Variants in PIWIL1 observed in about 807,000 individuals in gnomAD.
PIWIL1 encodes piwi like RNA-mediated gene silencing 1.
A neutral mutation model predicts 114.4 loss-of-function variants in PIWIL1; 73 were observed. The ratio of observed to expected loss-of-function variants is 0.64; its 90% CI spans 0.53 to 0.78. The LOEUF (loss-of-function observed/expected upper bound fraction) is 0.78, where lower values mean the gene tolerates loss of function less well. PIWIL1 is among the 30% of genes least tolerant of loss of function. PIWIL1 has a pLI of 0.00. For missense variants in PIWIL1, 723 were observed against 1,063.1 expected, an observed-to-expected ratio of 0.68 and a Z score of 4.45; for synonymous variants, 375 against 369.0, an observed-to-expected ratio of 1.02 and a Z score of -0.19.
chr12:130,340,627 G>T (rs1384800681), intron 1 of PIWIL1, among the ~76,000 whole-genome samples: 1 of 94,746 alleles, frequency 1.1e-5, no homozygotes, highest in East Asian at 3.8e-4. Context: ...GTTGGTGGTG[G>T]TGGTTGGGGG....
downstream of PIWIL1, among the ~76,000 whole-genome samples, chr12:130,375,190 T>C (rs569271900): frequency 3.3e-5 from 5 of 152,322 alleles, no homozygotes; most frequent in African/African-American, 9.6e-5. Context: ...GCTTTCCTTC[T>C]AATTCTTGGC....
the PIWIL1 span, chr12:130,399,910 G>A: frequency 1.5e-5 from 20 of 1,367,568 alleles, no homozygotes; most frequent in East Asian, 4.6e-4. Context: ...ACAGGTACAT[G>A]GTGAGTTTAT....
the PIWIL1 span, among the ~76,000 whole-genome samples, chr12:130,394,074 C>CTGTA: frequency 6.6e-6 from 1 of 152,236 alleles, no homozygotes; most frequent in Admixed American, 6.5e-5. Context: ...GGTGGAAAGC[C>CTGTA]TGTACCTGGG....
chr12:130,353,600 G>A (rs1341222573), intron 9 of PIWIL1, among the ~76,000 whole-genome samples: 3 of 152,118 alleles, frequency 2.0e-5, no homozygotes, highest in Non-Finnish European at 2.9e-5. Flanking sequence ...AACTGAGCTG[G>A]AGGCCAGAGA....
At chr12:130,396,724 A>AATG in the PIWIL1 span, 1 of 152,584 alleles carries the variant, frequency 6.6e-6, no homozygotes, top group East Asian at 1.9e-4. Context: ...CTCTTTTTTG[A>AATG]ATGATTGAGT....
chr12:130,380,164 A>AGTTCC, the PIWIL1 span, among the ~76,000 whole-genome samples: 2 of 129,496 alleles, frequency 1.5e-5, no homozygotes, highest in Non-Finnish European at 3.1e-5. Flanking sequence ...AAGCATTGAC[A>AGTTCC]GTTCCTTCAA....
the PIWIL1 span, among the ~76,000 whole-genome samples, chr12:130,390,634 A>C: frequency 6.6e-6 from 1 of 151,996 alleles, no homozygotes; most frequent in Non-Finnish European, 1.5e-5. Flanking sequence ...TTTGCTTCTG[A>C]CCACATCTTC....
chr12:130,345,730 C>G (rs764175616), intron 3 of PIWIL1, 23 bp from the exon 4 acceptor site: 5 of 1,613,106 alleles, frequency 3.1e-6, no homozygotes, highest in Non-Finnish European at 4.2e-6. Context: ...TTATGTTGCT[C>G]AAGTACACAA....
intron 14 of PIWIL1, among the ~76,000 whole-genome samples, chr12:130,357,880 G>C (rs912745959): frequency 6.6e-6 from 1 of 152,116 alleles, no homozygotes; most frequent in East Asian, 1.9e-4. Flanking sequence ...GCTGTTGTTC[G>C]GCACACGTAG....
chr12:130,368,303 C>A (rs775320273), intron 19 of PIWIL1, among the ~76,000 whole-genome samples: 1 of 152,118 alleles, frequency 6.6e-6, no homozygotes, highest in Non-Finnish European at 1.5e-5. Flanking sequence ...AGGATAAAGT[C>A]TCGGCCTGTG....
chr12:130,425,860 G>A, the PIWIL1 span: 1 of 152,414 alleles, frequency 6.6e-6, no homozygotes, highest in East Asian at 1.9e-4. Flanking sequence ...CCCTCTTGCT[G>A]TGGGCCCCTT....
the PIWIL1 span, among the ~76,000 whole-genome samples, chr12:130,400,469 G>A: frequency 6.6e-6 from 1 of 152,228 alleles, no homozygotes; most frequent in South Asian, 2.1e-4. Context: ...AGATCCATGA[G>A]TCCATCTGCC....
chr12:130,366,593 T>C (rs1232693528), intron 18 of PIWIL1: 2 of 152,528 alleles, frequency 1.3e-5, no homozygotes, highest in African/African-American at 4.8e-5. Context: ...GAAAACGTCA[T>C]TTGAGACTCC....
At chr12:130,422,037 G>T in the PIWIL1 span, among the ~76,000 whole-genome samples, 1 of 152,312 alleles carries the variant, frequency 6.6e-6, no homozygotes, top group Middle Eastern at 3.4e-3. This position sits in a 1 kb window ranked among gnomAD's most constrained non-coding sequence, Gnocchi z 5.2. Flanking sequence ...TGCTGCCAGC[G>T]TGTCTTCTGC....
At chr12:130,361,115 G>A in intron 14 of PIWIL1, 65 bp from the exon 15 acceptor site, 3 of 1,451,100 alleles carry the variant, frequency 2.1e-6, no homozygotes, top group Non-Finnish European at 2.9e-6. Context: ...TTAGTTTCCT[G>A]TCCTCTCCCT....
At position 130,361,615 on chromosome 12, in the gene PIWIL1, G is replaced by A. The variant is rs187334147; in HGVS notation, c.1970+14G>A. Reference sequence around the variant, plus strand: ...AGGGATGACCCGGTGAGTGAGACTGGGCTACTGTGGGTGGCAGTGAGGACA... The same window carrying A: ...AGGGATGACCCGGTGAGTGAGACTGAGCTACTGTGGGTGGCAGTGAGGACA... On this transcript the variant is annotated intron_variant, in intron 16 of 20. Transcript: ENST00000245255. 4.1e-4 allele frequency: 661 copies of A among 1,600,970 alleles called. 3 individuals are homozygous for A. The African/African-American group carries it at 7.5e-3, about 18-fold the overall frequency.
rs201104805 is a variant in PIWIL1 at position 130,342,669 on chromosome 12, C to A, written c.78C>A (p.Ala26=). The change falls in exon 2 of 21, where the codon GCC becomes GCA. Residue 26 remains alanine (A), a splice_region_variant and synonymous_variant. Transcript: ENST00000245255. ...CAGCGCAGCTGGTGGGCTCCACTGC[C>A]GTGAGTGCTTCACCGTTTCTGACTA... ...QETAQLVGST[A]SQQPGYIQPR... 2 of 1,609,286 alleles carry A rather than the reference C, an allele frequency of 1.2e-6. No individual in the cohort carries two copies. Among genetic ancestry groups the A allele is most frequent in the Admixed American group, 3.3e-5 (2 of 59,996 alleles).
At chr12:130,340,645 G>GA (rs2072889567) in intron 1 of PIWIL1, among the ~76,000 whole-genome samples, 3 of 46,780 alleles carry the variant, frequency 6.4e-5, no homozygotes, top group Admixed American at 2.1e-4. Context: ...GGGAGGGGGG[G>GA]TGGGGGGAGG....
rs1042108826 is a variant in PIWIL1 at position 130,363,141 on chromosome 12, A to G, written c.2192A>G (p.Tyr731Cys). ...TGTCTAAAATCCATTGGTAGAGGTT[A>G]CAAGTAAGCATGCAAATTGTAAAGC... ...LDCLKSIGRG[Y>C]NPRLTVIVVK... The change falls in exon 18 of 21, where the codon TAC (tyrosine) becomes TGC (cysteine). Residue 731 changes from tyrosine (Y) to cysteine (C), a missense_variant. Transcript: ENST00000245255. 4 of 1,613,072 alleles carry G rather than the reference A, an allele frequency of 2.5e-6. No individual in the cohort carries two copies. Among genetic ancestry groups the G allele is most frequent in the Non-Finnish European group, 2.5e-6 (3 of 1,179,428 alleles).
Sources: gnomAD v4.1 joint callset for allele counts (sites outside exome capture counted in the v4.1 genomes callset) on GRCh38, gnomAD v4.1.1 for gene constraint, Gnocchi (gnomAD v3.1) non-coding constraint, MANE v1.5 for transcripts, NCBI Gene and HGNC (gene_info 2026-07-23, HGNC 2026-07-21) for gene names.